The following TAB1 variants were observed in gnomAD, a reference collection of about 807,000 sequenced individuals.
The protein encoded by TAB1 is TGF-beta-activated kinase 1 and MAP3K7-binding protein 1.
A neutral mutation model predicts 54.5 loss-of-function variants in TAB1; 30 were observed. The ratio of observed to expected loss-of-function variants is 0.55; its 90% CI spans 0.41 to 0.75. The LOEUF is 0.75. Ranked by LOEUF, TAB1 falls within the 30% of genes least tolerant of loss-of-function variation. The pLI is 0.00. For synonymous variants in TAB1, 289 were observed against 286.9 expected (o/e 1.01, Z -0.07); for missense variants, 609 against 683.2 (o/e 0.89, Z 1.21).
intron 1 of TAB1, among the ~76,000 whole-genome samples, chr22:39,412,318 G>A (rs189969199): frequency 2.0e-4 from 30 of 152,308 alleles, no homozygotes; most frequent in African/African-American, 7.0e-4. Flanking sequence ...GGGATTACAG[G>A]CGTGAGCCAC....
downstream of TAB1, chr22:39,433,002 C>T (rs1407401486): frequency 1.8e-5 from 18 of 985,370 alleles, no homozygotes; most frequent in East Asian, 2.3e-4. Flanking sequence ...TCACTGCCAC[C>T]GTCCACGTCC....
chr22:39,414,481 G>A (rs543927416), intron 1 of TAB1, among the ~76,000 whole-genome samples: 2 of 152,198 alleles, frequency 1.3e-5, no homozygotes, highest in Non-Finnish European at 1.5e-5. Flanking sequence ...CTTATAAGTC[G>A]GAGTTTCTCC....
chr22:39,415,771 C>T lies in TAB1; in HGVS notation c.324+118C>T. The stretch of plus-strand genomic sequence containing the variant: ...TGTGAAGATCCTGCCGGCCCCTTCA[C>T]CCCAGTAGAGGAGCAGCTCCCAGCG... On this transcript the variant is annotated intron_variant, in intron 3 of 10. Coordinates refer to ENST00000216160, the MANE Select transcript of TAB1 (RefSeq NM_006116.3). The surrounding 1 kb of genome is among the most constrained non-coding windows in gnomAD (Gnocchi z 4.9). The T allele has an allele frequency of 7.4e-7, 1 of 1,352,018 alleles. No homozygotes were observed. Among genetic ancestry groups the T allele is most frequent in the Non-Finnish European group, 1.0e-6 (1 of 1,002,782 alleles). The allele number at this position is 1,352,018 out of a possible 1,614,324, so 83.8% of individuals were successfully genotyped here. A position where few individuals can be genotyped will look rare whatever the true frequency, so the allele number is the denominator to read the frequency against.
intron 1 of TAB1, among the ~76,000 whole-genome samples, chr22:39,406,798 A>T (rs914068147): frequency 6.6e-6 from 1 of 151,606 alleles, no homozygotes; most frequent in African/African-American, 2.4e-5. Context: ...ACGCCCACCT[A>T]ATTTTTTTGT....
intron 1 of TAB1, among the ~76,000 whole-genome samples, chr22:39,401,851 A>G (rs1926158376): frequency 6.6e-6 from 1 of 152,170 alleles, no homozygotes; most frequent in Non-Finnish European, 1.5e-5. Context: ...CTGATGTCAC[A>G]TCCACTGTCT....
chr22:39,416,667 G>A, intron 3 of TAB1, 124 bp from the exon 4 acceptor site: 2 of 876,584 alleles, frequency 2.3e-6, no homozygotes, highest in South Asian at 2.9e-5. Flanking sequence ...CATGTGGAAA[G>A]CTCCATCACA....
Position 39,431,132 on chromosome 22 carries a change from G to T in TAB1, c.*910G>T, listed in dbSNP as rs978048163. ...GCAAGCAGGGGTTGTGAGTCAGGCT[G>T]GGGGACTTGTTTGAAAGAAAGAGGA... On this transcript the variant is annotated 3_prime_UTR_variant, in exon 11 of 11. Coordinates refer to ENST00000216160, the MANE Select transcript of TAB1 (RefSeq NM_006116.3). The T allele has an allele frequency of 5.1e-6, 5 of 985,774 alleles. No individual in the cohort carries two copies. The highest frequency in any genetic ancestry group is 6.0e-6 in the Non-Finnish European group (5 of 830,310). The allele number at this position is 985,774 out of a possible 1,614,324, so 61.1% of individuals were successfully genotyped here.
chr22:39,399,980 T>C (rs1204427983), intron 1 of TAB1, 145 bp downstream of exon 1: 9 of 962,082 alleles, frequency 9.4e-6, no homozygotes, highest in Non-Finnish European at 1.2e-5. Context: ...CTCCTCGGGC[T>C]GGCCCCCTCG....
At chr22:39,414,822 A>G (rs1926752680) in intron 1 of TAB1, 184 bp from the exon 2 acceptor site, 1 of 620,348 alleles carries the variant, frequency 1.6e-6, no homozygotes, top group Non-Finnish European at 2.7e-6. Context: ...TAGACTAGCC[A>G]TAAAAACAGC....
intron 1 of TAB1, among the ~76,000 whole-genome samples, chr22:39,402,034 C>G (rs1173416709): frequency 6.6e-6 from 1 of 152,070 alleles, no homozygotes; most frequent in African/African-American, 2.4e-5. Flanking sequence ...GGGGCACTGT[C>G]TTGTTATTGT....
intron 10 of TAB1, chr22:39,429,153 C>T: frequency 1.0e-6 from 1 of 985,476 alleles, no homozygotes; most frequent in Non-Finnish European, 1.2e-6. Context: ...TTGGTCCCAC[C>T]ATGGGCTGGC....
At chr22:39,400,421 G>A (rs1012158234) in intron 1 of TAB1, among the ~76,000 whole-genome samples, 8 of 152,158 alleles carry the variant, frequency 5.3e-5, no homozygotes, top group African/African-American at 1.9e-4. Context: ...TGTACTAAAG[G>A]AATGACCAGT....
chr22:39,435,267 T>A (rs375394511), downstream of TAB1, among the ~76,000 whole-genome samples: 1 of 152,210 alleles, frequency 6.6e-6, no homozygotes, highest in Non-Finnish European at 1.5e-5. Context: ...CATTTTGAAA[T>A]TACTCATCAA....
intron 1 of TAB1, among the ~76,000 whole-genome samples, chr22:39,405,914 CTG>C (rs1926341922): frequency 6.6e-6 from 1 of 152,218 alleles, no homozygotes; most frequent in Non-Finnish European, 1.5e-5. Context: ...GAACCAGTGT[CTG>C]GCGAGCGCCC....
At chr22:39,408,752 C>G in intron 1 of TAB1, among the ~76,000 whole-genome samples, 1 of 152,206 alleles carries the variant, frequency 6.6e-6, no homozygotes, top group Non-Finnish European at 1.5e-5. Flanking sequence ...CCACCCACCT[C>G]GGCCTCCCAA....
chr22:39,424,218 T>C (rs868847269), intron 8 of TAB1, among the ~76,000 whole-genome samples: 1 of 152,228 alleles, frequency 6.6e-6, no homozygotes, highest in Non-Finnish European at 1.5e-5. Context: ...AGTTTATAGA[T>C]ACATTTTCTT....
intron 4 of TAB1, 112 bp from the exon 5 acceptor site, chr22:39,417,599 G>A: frequency 9.0e-7 from 1 of 1,108,784 alleles, no homozygotes. Context: ...GTAGCCTGGG[G>A]GACACAGCGA....
intron 1 of TAB1, among the ~76,000 whole-genome samples, chr22:39,406,816 G>T (rs992240983): frequency 2.0e-5 from 3 of 152,074 alleles, no homozygotes; most frequent in Non-Finnish European, 4.4e-5. Context: ...TGTATTTTTA[G>T]TAGAGACGGG....
intron 7 of TAB1, among the ~76,000 whole-genome samples, chr22:39,421,055 T>G (rs547585398): frequency 6.7e-6 from 1 of 150,140 alleles, no homozygotes; most frequent in East Asian, 2.0e-4. Context: ...TCCCAGGTGC[T>G]GGTGTGTCCT....
Sources: gnomAD v4.1 joint callset for allele counts (sites outside exome capture counted in the v4.1 genomes callset) on GRCh38, gnomAD v4.1.1 for gene constraint, Gnocchi (gnomAD v3.1) non-coding constraint, MANE v1.5 for transcripts, NCBI Gene and HGNC (gene_info 2026-07-23, HGNC 2026-07-21) for gene names.